Variants in OSBPL8 observed in about 807,000 individuals in gnomAD.
OSBPL8 encodes the protein oxysterol binding protein like 8, also known as oxysterol-binding protein-related protein 8.
Under a neutral mutation model 125.5 loss-of-function variants are expected in OSBPL8, and 59 were observed. The observed-to-expected ratio is 0.47, with a 90% CI of 0.38 to 0.58. The LOEUF (loss-of-function observed/expected upper bound fraction) is 0.58, where lower values mean the gene tolerates loss of function less well. Ranked by LOEUF, OSBPL8 falls within the 20% of genes least tolerant of loss-of-function variation. OSBPL8 has a pLI of 0.00. For missense variants in OSBPL8, 758 were observed against 1,047.8 expected (o/e 0.72, Z 3.82); for synonymous variants, 330 against 338.9 (o/e 0.97, Z 0.29).
intron 1 of OSBPL8, among the ~76,000 whole-genome samples, chr12:76,500,240 A>C (rs1017938582): frequency 4.6e-5 from 7 of 152,224 alleles, no homozygotes; most frequent in Admixed American, 3.9e-4. Context: ...CCTTTGTGTC[A>C]GCCAAATTGA....
At chr12:76,421,829 CT>C (rs1270424823) in intron 4 of OSBPL8, among the ~76,000 whole-genome samples, 2 of 151,948 alleles carry the variant, frequency 1.3e-5, no homozygotes, top group Admixed American at 6.6e-5. Flanking sequence ...CAATTTATGT[CT>C]ACATCTCATT....
At chr12:76,412,369 G>A (rs527644825) in intron 4 of OSBPL8, among the ~76,000 whole-genome samples, 9 of 152,168 alleles carry the variant, frequency 5.9e-5, no homozygotes, top group Admixed American at 1.3e-4. Context: ...GTGATTACAC[G>A]TGTCTATACG....
intron 19 of OSBPL8, among the ~76,000 whole-genome samples, chr12:76,370,982 T>C (rs140907775): frequency 2.0e-5 from 3 of 152,292 alleles, no homozygotes; most frequent in African/African-American, 7.2e-5. Flanking sequence ...ACAGAAATGA[T>C]AGCCTTAGTT....
intron 1 of OSBPL8, among the ~76,000 whole-genome samples, chr12:76,529,487 G>A (rs998299414): frequency 5.4e-5 from 8 of 149,514 alleles, no homozygotes; most frequent in African/African-American, 2.0e-4. Flanking sequence ...GAATAGCAGT[G>A]TCATGCCAGC....
intron 2 of OSBPL8, among the ~76,000 whole-genome samples, chr12:76,486,459 T>G (rs1742295932): frequency 6.6e-6 from 1 of 152,200 alleles, no homozygotes; most frequent in Non-Finnish European, 1.5e-5. Context: ...GGGGGCACCT[T>G]TACTTTAGGT....
rs527970289 is a variant in OSBPL8, at chr12:76,352,522, G to A, written c.*3367C>T. 6.6e-6 allele frequency: 1 copy of A among 152,602 alleles called. No homozygotes were observed. Among genetic ancestry groups the A allele is most frequent in the African/African-American group, 2.4e-5 (1 of 41,558 alleles). 9.5% of individuals were successfully genotyped at this position (152,602 alleles called of 1,614,324 possible). On this transcript the variant is annotated 3_prime_UTR_variant, in exon 24 of 24. Coordinates refer to ENST00000261183, the MANE Select transcript of OSBPL8 (RefSeq NM_020841.5). ...ATTTTAAAGAATCTCTTTCCACTTA[G>A]TCAAATAAGATAGAAATTGAAATGT... is the stretch of plus-strand genomic sequence containing the variant.
At chr12:76,547,671 A>C (rs1950818667) in intron 1 of OSBPL8, among the ~76,000 whole-genome samples, 1 of 152,180 alleles carries the variant, frequency 6.6e-6, no homozygotes, top group Admixed American at 6.5e-5. Context: ...TCACCCATCT[A>C]GATACACTTG....
In OSBPL8 at chr12:76,402,763, C is replaced by A; in HGVS notation, c.292G>T (p.Glu98Ter). 6.3e-7 allele frequency: 1 copy of A among 1,588,872 alleles called. No homozygotes were observed. Among genetic ancestry groups the A allele is most frequent in the Non-Finnish European group, 8.6e-7 (1 of 1,159,640 alleles). The change falls in exon 6 of 24, where the codon GAA becomes TAA. Residue 98 changes from glutamate (E) to a stop codon, truncating the protein, a stop_gained. Coordinates refer to ENST00000261183, the MANE Select transcript of OSBPL8 (RefSeq NM_020841.5). LOFTEE classifies it high-confidence loss of function. ...SSLSMSKSKS[E>*]SKLYNGSEKD... ...TCTGAGCCATTATAAAGTTTAGATTCAGACTGAAATCATACAGAAACAAGA... is the reference window on the plus strand; with the variant it reads ...TCTGAGCCATTATAAAGTTTAGATTAAGACTGAAATCATACAGAAACAAGA...
intron 1 of OSBPL8, among the ~76,000 whole-genome samples, chr12:76,524,092 AAAG>A (rs1950097113): frequency 6.6e-6 from 1 of 152,214 alleles, no homozygotes; most frequent in Non-Finnish European, 1.5e-5. Context: ...AGAATGAAGG[AAAG>A]AGAAAAAATG....
At chr12:76,478,676 T>C (rs141007780) in intron 2 of OSBPL8, among the ~76,000 whole-genome samples, 22 of 152,226 alleles carry the variant, frequency 1.4e-4, no homozygotes, top group East Asian at 7.7e-4. Flanking sequence ...CAATCTTTAG[T>C]ACTCACACAA....
chr12:76,547,883 C>T (rs1367712180), intron 1 of OSBPL8, among the ~76,000 whole-genome samples: 1 of 152,048 alleles, frequency 6.6e-6, no homozygotes, highest in Non-Finnish European at 1.5e-5. Flanking sequence ...AAAGGGGAAA[C>T]AAAAACTATG....
intron 19 of OSBPL8, 42 bp from the exon 20 acceptor site, chr12:76,369,864 CAG>C (rs774863065): frequency 1.9e-4 from 291 of 1,537,004 alleles, no homozygotes; most frequent in Non-Finnish European, 2.4e-4. Context: ...AAAAATGTAA[CAG>C]AAAATAAAAT....
At chr12:76,526,001 T>C (rs952135057) in intron 1 of OSBPL8, among the ~76,000 whole-genome samples, 12 of 152,244 alleles carry the variant, frequency 7.9e-5, no homozygotes, top group Admixed American at 7.2e-4. Context: ...AAATAGTCTA[T>C]ATCTTCACTT....
At chr12:76,414,188 A>G (rs746219653) in intron 4 of OSBPL8, among the ~76,000 whole-genome samples, 1 of 152,090 alleles carries the variant, frequency 6.6e-6, no homozygotes, top group African/African-American at 2.4e-5. Flanking sequence ...TATGTGTCAA[A>G]TGTTCACAAA....
intron 1 of OSBPL8, among the ~76,000 whole-genome samples, chr12:76,552,311 A>G (rs1320481702): frequency 6.6e-6 from 1 of 151,488 alleles, no homozygotes; most frequent in Non-Finnish European, 1.5e-5. Context: ...CTGTAGTACC[A>G]GCTACTCGGA....
chr12:76,369,389 A>G (rs1952536976), intron 20 of OSBPL8, 88 bp from the exon 21 acceptor site: 3 of 1,473,428 alleles, frequency 2.0e-6, no homozygotes, highest in African/African-American at 1.4e-5. Flanking sequence ...AATTTTATTA[A>G]TAATTATATA....
In OSBPL8 at chr12:76,514,432, T is replaced by C. The variant is rs932763397; in HGVS notation, c.-67-26814A>G. The stretch of plus-strand genomic sequence containing the variant: ...TCCCAAAGTGCTGGGATTACAAGCA[T>C]GAGCCGGCTAGAAATGAAATTCTTT... On this transcript the variant is annotated intron_variant, in intron 1 of 23. Transcript: ENST00000261183. 1.2e-4 allele frequency among the ~76,000 whole-genome samples: 12 copies of C among 103,554 alleles called. 1 individual carries two copies. Among genetic ancestry groups the C allele is most frequent in the Admixed American group, 9.9e-4 (10 of 10,150 alleles). The allele number at this position is 103,554 out of a possible 152,430, so 67.9% of individuals were successfully genotyped here. A position where few individuals can be genotyped will look rare whatever the true frequency, so the allele number is the denominator to read the frequency against.
chr12:76,462,751 C>A (rs1259489274), intron 2 of OSBPL8, among the ~76,000 whole-genome samples: 5 of 151,968 alleles, frequency 3.3e-5, no homozygotes. Context: ...AAGAAGGCTT[C>A]AATACAGAGT....
At chr12:76,443,402 C>T (rs528040977) in intron 4 of OSBPL8, among the ~76,000 whole-genome samples, 42 of 152,176 alleles carry the variant, frequency 2.8e-4, no homozygotes, top group African/African-American at 8.9e-4. Flanking sequence ...TGCCTATTTG[C>T]CCATGAGATG....
Sources: gnomAD v4.1 joint callset for allele counts (sites outside exome capture counted in the v4.1 genomes callset) on GRCh38, gnomAD v4.1.1 for gene constraint, MANE v1.5 for transcripts, NCBI Gene and HGNC (gene_info 2026-07-23, HGNC 2026-07-21) for gene names.